NPHP4: variants seen among roughly 807,000 people sequenced by gnomAD.
NPHP4 encodes nephrocystin 4.
NPHP4 carries 151 observed loss-of-function variants against 155.8 expected under a neutral mutation model. The observed-to-expected ratio is 0.97, with a 90% CI of 0.85 to 1.11. The LOEUF (loss-of-function observed/expected upper bound fraction) is 1.11. Ranked by LOEUF, NPHP4 falls within the 50% of genes least tolerant of loss-of-function variation. NPHP4 has a pLI of 0.00. For missense variants in NPHP4, 1,956 were observed against 1,925.7 expected (o/e 1.02, Z -0.29); for synonymous variants, 845 against 816.8 (o/e 1.03, Z -0.59).
intron 16 of NPHP4, among the ~76,000 whole-genome samples, chr1:5,895,566 T>G (rs1644354332): frequency 6.6e-6 from 1 of 152,202 alleles, no homozygotes; most frequent in African/African-American, 2.4e-5. Flanking sequence ...TATGGGACTG[T>G]AAAAATACCA....
intron 8 of NPHP4, 39 bp from the exon 9 acceptor site, chr1:5,947,269 G>A (rs751279627): frequency 2.4e-5 from 39 of 1,607,040 alleles, no homozygotes; most frequent in Middle Eastern, 3.9e-4. Context: ...ATTAGAGCTC[G>A]AGCTCCCATC....
chr1:5,982,024 A>G (rs1167383872), intron 2 of NPHP4, among the ~76,000 whole-genome samples: 1 of 152,212 alleles, frequency 6.6e-6, no homozygotes, highest in East Asian at 1.9e-4. Flanking sequence ...AGTATCTGAT[A>G]AAATTCAACA....
At chr1:5,902,352 C>T (rs764582557) in intron 16 of NPHP4, among the ~76,000 whole-genome samples, 22 of 152,260 alleles carry the variant, frequency 1.4e-4, no homozygotes, top group Non-Finnish European at 2.8e-4. Flanking sequence ...AGGCCATCCA[C>T]ATCAGGGGCT....
chr1:5,927,938 A>C (rs1455659936), intron 10 of NPHP4, among the ~76,000 whole-genome samples, 151 bp from the exon 11 acceptor site: 2 of 152,208 alleles, frequency 1.3e-5, no homozygotes, highest in Non-Finnish European at 2.9e-5. Flanking sequence ...ATTATAATCA[A>C]GTAGTTTGAG....
At chr1:5,874,741 TG>T in intron 21 of NPHP4, 84 bp from the exon 22 acceptor site, 1 of 1,525,128 alleles carries the variant, frequency 6.6e-7, no homozygotes, top group Non-Finnish European at 9.0e-7. Context: ...CCGAGAGCGG[TG>T]CTCAGAGGAG....
At position 5,867,205 on chromosome 1, in the gene NPHP4, C is replaced by T. The variant is rs1232854622; in HGVS notation, c.3473-90G>A. On this transcript the variant is annotated intron_variant, in intron 24 of 29. Transcript: ENST00000378156. This position sits in a 1 kb window ranked among gnomAD's most constrained non-coding sequence, Gnocchi z 4.1. ...ACACATTACACACTATAGGACAGGACAGGCTCGTCACAGGTGCTCAGCAAG... is the reference window on the plus strand; with the variant it reads ...ACACATTACACACTATAGGACAGGATAGGCTCGTCACAGGTGCTCAGCAAG... 1.0e-6 allele frequency: 1 copy of T among 980,306 alleles called. No individual in the cohort carries two copies. Among genetic ancestry groups the T allele is most frequent in the African/African-American group, 1.6e-5 (1 of 61,878 alleles). 60.7% of individuals were successfully genotyped at this position (980,306 alleles called of 1,614,324 possible).
chr1:5,958,177 G>A (rs1311860478), intron 6 of NPHP4, among the ~76,000 whole-genome samples: 2 of 152,182 alleles, frequency 1.3e-5, no homozygotes, highest in Non-Finnish European at 1.5e-5. Context: ...GTTTTAAAAC[G>A]CTCTTTAGCA....
intron 3 of NPHP4, among the ~76,000 whole-genome samples, chr1:5,976,069 T>G (rs1449965449): frequency 6.6e-6 from 1 of 152,102 alleles, no homozygotes; most frequent in African/African-American, 2.4e-5. Context: ...CAGAGCATAC[T>G]CCATCCCTCA....
At position 5,933,128 on chromosome 1, in the gene NPHP4, G is replaced by A. The variant is rs1334902413; in HGVS notation, c.1302+19C>T. On this transcript the variant is annotated intron_variant, in intron 10 of 29. Coordinates refer to ENST00000378156, the MANE Select transcript of NPHP4 (RefSeq NM_015102.5). ...CTAGAAGCTCACCGGAGATGCATAA[G>A]AAATACCTAATAATTTACCTCTTCA... 1.3e-6 allele frequency: 2 copies of A among 1,506,542 alleles called. No homozygotes were observed. The highest frequency in any genetic ancestry group is 1.8e-6 in the Non-Finnish European group (2 of 1,118,352). The allele number at this position is 1,506,542 out of a possible 1,614,324, so 93.3% of individuals were successfully genotyped here.
chr1:5,933,096 G>T, intron 10 of NPHP4, 51 bp downstream of exon 10: 1 of 1,359,230 alleles, frequency 7.4e-7, no homozygotes, highest in South Asian at 1.7e-5. Context: ...GAAAATGAAT[G>T]AACTTGCTAG....
chr1:5,875,506 C>T (rs1642498377), intron 20 of NPHP4, among the ~76,000 whole-genome samples: 1 of 152,210 alleles, frequency 6.6e-6, no homozygotes, highest in South Asian at 2.1e-4. Flanking sequence ...CTGCCTGGGC[C>T]CAGCGTCCAC....
chr1:5,894,584 A>G (rs1025863796), intron 16 of NPHP4, among the ~76,000 whole-genome samples: 5 of 152,184 alleles, frequency 3.3e-5, no homozygotes, highest in Non-Finnish European at 5.9e-5. Context: ...ACTACTTATC[A>G]GTATCAACAA....
intron 19 of NPHP4, 120 bp from the exon 20 acceptor site, chr1:5,877,418 T>C (rs1217169143): frequency 1.5e-5 from 10 of 680,590 alleles, no homozygotes; most frequent in Non-Finnish European, 2.1e-5. Flanking sequence ...GTGCGGCTCA[T>C]GCTTTTTGCA....
intron 6 of NPHP4, among the ~76,000 whole-genome samples, chr1:5,959,490 G>A (rs1267886169): frequency 6.6e-6 from 1 of 152,158 alleles, no homozygotes; most frequent in Non-Finnish European, 1.5e-5. Context: ...GGGCACCACG[G>A]CTTCTCATTT....
intron 2 of NPHP4, among the ~76,000 whole-genome samples, chr1:5,985,486 C>T (rs1440872188): frequency 1.3e-5 from 2 of 152,228 alleles, no homozygotes; most frequent in East Asian, 1.9e-4. Context: ...CCAGAATGCC[C>T]GTAGCTCAGC....
chr1:5,874,409 C>T, intron 22 of NPHP4, 62 bp downstream of exon 22: 1 of 1,403,354 alleles, frequency 7.1e-7, no homozygotes, highest in Non-Finnish European at 9.5e-7. Flanking sequence ...AGACTGGAAG[C>T]ATTCTCAATT....
Position 5,890,884 on chromosome 1 carries a change from G to A in NPHP4, c.2288C>T (p.Ala763Val). The A allele has an allele frequency of 1.2e-6, 2 of 1,610,148 alleles. No homozygotes were observed. The highest frequency in any genetic ancestry group is 1.7e-6 in the Non-Finnish European group (2 of 1,177,816). Residue 763 changes from alanine (A) to valine (V), a missense_variant, in exon 17 of 30, where the codon GCT becomes GTT. By Grantham distance (64) the Ala-to-Val change is moderately conservative. Transcript: ENST00000378156. The surrounding 1 kb of genome is among the most constrained non-coding windows in gnomAD (Gnocchi z 4.9). ...AGCCGCTACCTTCATCTGGACGGCA[G>A]CAGATCCGATGAGCAGCAGGGAGTC... is the stretch of plus-strand genomic sequence containing the variant. The part of the protein sequence containing the change: ...DGDSLLLIGS[A>V]AVQMKHLLRQ...
At chr1:5,945,572 C>A (rs1647047009) in intron 9 of NPHP4, among the ~76,000 whole-genome samples, 1 of 152,162 alleles carries the variant, frequency 6.6e-6, no homozygotes. Flanking sequence ...AGATTAGAAA[C>A]ACCAAATGGC....
At chr1:5,958,153 A>G (rs548969726) in intron 6 of NPHP4, among the ~76,000 whole-genome samples, 1 of 152,408 alleles carries the variant, frequency 6.6e-6, no homozygotes, top group Admixed American at 6.5e-5. Flanking sequence ...TACTGAACAC[A>G]CATGAACTTC....
Sources: allele counts gnomAD v4.1 joint callset (sites outside exome capture counted in the v4.1 genomes callset), GRCh38; gene constraint gnomAD v4.1.1; non-coding constraint Gnocchi (gnomAD v3.1); transcripts MANE v1.5; gene names NCBI Gene and HGNC (gene_info 2026-07-23, HGNC 2026-07-21).